TOX2: variants seen among roughly 807,000 people sequenced by gnomAD.
TOX2 encodes the protein granulosa cell HMG box 1.
In TOX2, 15 loss-of-function variants were observed where a neutral mutation model predicts 47.4. That is an observed-to-expected ratio of 0.32 (90% CI 0.21 to 0.49). TOX2 has a LOEUF of 0.49. Ranked by LOEUF, TOX2 falls within the 20% of genes least tolerant of loss-of-function variation. The pLI is 0.99. For synonymous variants in TOX2, 290 were observed against 296.6 expected, an observed-to-expected ratio of 0.98 and a Z score of 0.23; for missense variants, 622 against 673.1, an observed-to-expected ratio of 0.92 and a Z score of 0.84.
chr20:44,038,820 G>A (rs758370382), intron 3 of TOX2, among the ~76,000 whole-genome samples: 1 of 152,108 alleles, frequency 6.6e-6, no homozygotes, highest in African/African-American at 2.4e-5. Flanking sequence ...CTAAGCACAC[G>A]GGGCTGCTCT....
At chr20:43,921,781 C>T (rs988239029) in intron 1 of TOX2, among the ~76,000 whole-genome samples, 4 of 152,128 alleles carry the variant, frequency 2.6e-5, no homozygotes, top group Non-Finnish European at 5.9e-5. Flanking sequence ...GCTTTGGCCT[C>T]TCGAAGCGCT....
chr20:43,925,254 A>AAT (rs1555829107), intron 1 of TOX2, among the ~76,000 whole-genome samples: 12 of 151,736 alleles, frequency 7.9e-5, no homozygotes, highest in African/African-American at 2.9e-4. Flanking sequence ...TGTAAATGGG[A>AAT]GGGGGGCATC....
At chr20:43,988,342 C>T (rs1018082015) in intron 2 of TOX2, among the ~76,000 whole-genome samples, 1 of 152,150 alleles carries the variant, frequency 6.6e-6, no homozygotes, top group Non-Finnish European at 1.5e-5. Flanking sequence ...TTTCTCTGGG[C>T]ACAGACAACA....
At chr20:43,945,717 G>C (rs1019219939) in intron 1 of TOX2, 1 of 740,994 alleles carries the variant, frequency 1.3e-6, no homozygotes, top group Non-Finnish European at 2.1e-6. Context: ...CAGGAGCTCC[G>C]AACACGCAGG....
chr20:43,949,313 C>T (rs1019653591), intron 1 of TOX2, among the ~76,000 whole-genome samples: 3 of 152,222 alleles, frequency 2.0e-5, no homozygotes, highest in East Asian at 1.9e-4. Flanking sequence ...TACTTGTCAC[C>T]GGGATGACCG....
intron 1 of TOX2, among the ~76,000 whole-genome samples, chr20:43,937,352 G>A (rs1455204624): frequency 1.3e-5 from 2 of 152,146 alleles, no homozygotes; most frequent in African/African-American, 4.8e-5. Context: ...GAGGGAGGTG[G>A]CTGATAACCT....
intron 3 of TOX2, among the ~76,000 whole-genome samples, chr20:44,048,389 T>TATATATATATATATATATATATAG (rs2071449908): frequency 3.5e-5 from 1 of 28,350 alleles, no homozygotes; most frequent in Non-Finnish European, 7.4e-5. Flanking sequence ...AAAATGAATT[T>TATATATATATATATATATATATAG]ATATATATAT....
intron 5 of TOX2, among the ~76,000 whole-genome samples, chr20:44,055,713 G>A (rs2071604812): frequency 6.6e-6 from 1 of 152,126 alleles, no homozygotes; most frequent in African/African-American, 2.4e-5. Flanking sequence ...GGGGAAGGTA[G>A]GGTCTGGAGC....
At chr20:43,966,742 A>G (rs1394649907) in intron 1 of TOX2, among the ~76,000 whole-genome samples, 1 of 149,404 alleles carries the variant, frequency 6.7e-6, no homozygotes, top group Non-Finnish European at 1.5e-5. Flanking sequence ...CGACAGAGCA[A>G]AACTCTGTCT....
chr20:43,960,619 A>G (rs1364044645), intron 1 of TOX2, among the ~76,000 whole-genome samples: 1 of 152,246 alleles, frequency 6.6e-6, no homozygotes, highest in African/African-American at 2.4e-5. Context: ...TCACACTCAG[A>G]GTCTGTTTGG....
At chr20:43,934,867 C>T (rs2069304468) in intron 1 of TOX2, among the ~76,000 whole-genome samples, 1 of 151,446 alleles carries the variant, frequency 6.6e-6, no homozygotes, top group South Asian at 2.1e-4. Flanking sequence ...CCATCCTGGA[C>T]CCTTTCTGTA....
At chr20:43,941,338 T>G (rs1028028182) in intron 1 of TOX2, among the ~76,000 whole-genome samples, 2 of 151,380 alleles carry the variant, frequency 1.3e-5, no homozygotes, top group African/African-American at 4.9e-5. Context: ...TTTTTTTTTT[T>G]GAGTATTTTT....
chr20:44,030,446 AGTCCAAT>A (rs1349495882), intron 3 of TOX2, among the ~76,000 whole-genome samples: 2 of 152,298 alleles, frequency 1.3e-5, no homozygotes, highest in Non-Finnish European at 2.9e-5. Flanking sequence ...CTCAGGATAA[AGTCCAAT>A]GTCTTCCCCT....
intron 1 of TOX2, among the ~76,000 whole-genome samples, chr20:43,921,019 T>C (rs1439386326): frequency 6.6e-6 from 1 of 152,232 alleles, no homozygotes; most frequent in East Asian, 1.9e-4. Flanking sequence ...AGTTGTAACC[T>C]GTGGCTTGAG....
At chr20:44,054,241 G>T in intron 4 of TOX2, 58 bp from the exon 5 acceptor site, 2 of 1,538,616 alleles carry the variant, frequency 1.3e-6, no homozygotes, top group Non-Finnish European at 1.8e-6. Context: ...TGTGTTGATC[G>T]CCTTTGGCAG....
chr20:43,920,542 C>T (rs2069102325), intron 1 of TOX2, among the ~76,000 whole-genome samples: 1 of 152,114 alleles, frequency 6.6e-6, no homozygotes, highest in South Asian at 2.1e-4. Flanking sequence ...TGCTAGGAAG[C>T]TCTCATTTAC....
chr20:44,006,294 G>A (rs534556542), intron 2 of TOX2, among the ~76,000 whole-genome samples: 1 of 152,298 alleles, frequency 6.6e-6, no homozygotes, highest in South Asian at 2.1e-4. Flanking sequence ...GGGGGAGCCG[G>A]CCCCCATTCT....
At chr20:43,956,794 A>T (rs1055847299) in intron 1 of TOX2, among the ~76,000 whole-genome samples, 1 of 152,008 alleles carries the variant, frequency 6.6e-6, no homozygotes, top group Non-Finnish European at 1.5e-5. Context: ...CAGTAAGTTT[A>T]TTTTATGTGC....
intron 3 of TOX2, among the ~76,000 whole-genome samples, chr20:44,049,126 A>G (rs1183819138): frequency 6.6e-6 from 1 of 152,240 alleles, no homozygotes; most frequent in Non-Finnish European, 1.5e-5. Context: ...ACCGACATCA[A>G]ATTCCCAAAA....
Sources: gnomAD v4.1 joint callset for allele counts (sites outside exome capture counted in the v4.1 genomes callset) on GRCh38, gnomAD v4.1.1 for gene constraint, MANE v1.5 for transcripts, NCBI Gene and HGNC (gene_info 2026-07-23, HGNC 2026-07-21) for gene names.